ZNF675: variants seen among roughly 807,000 people sequenced by gnomAD.
ZNF675 encodes the protein zinc finger protein 675.
Under a neutral mutation model 56.1 loss-of-function variants are expected in ZNF675, and 36 were observed. The ratio of observed to expected loss-of-function variants is 0.64; its 90% CI spans 0.49 to 0.85. ZNF675 has a LOEUF of 0.85. Among genes scored for constraint, ZNF675 ranks in the 40% least tolerant of loss-of-function variants. The pLI is 0.00. For synonymous variants in ZNF675, 200 were observed against 218.9 expected (o/e 0.91, Z 0.76); for missense variants, 663 against 654.2 (o/e 1.01, Z -0.15).
intron 3 of ZNF675, among the ~76,000 whole-genome samples, chr19:23,658,874 GAT>G (rs10534460): frequency 0.91 from 106,020 of 116,896 alleles, 48,047 homozygotes; most frequent in Middle Eastern, 0.96. Context: ...TAGATCTATA[GAT>G]ATCTATAGAT....
At chr19:23,657,714 T>C (rs1018912020) in intron 3 of ZNF675, among the ~76,000 whole-genome samples, 4 of 151,998 alleles carry the variant, frequency 2.6e-5, no homozygotes, top group Admixed American at 2.6e-4. Context: ...TAAAACTCCA[T>C]CTCAAAAGAA....
chr19:23,656,298 C>T (rs1229283703), intron 3 of ZNF675: 1 of 152,146 alleles, frequency 6.6e-6, no homozygotes, highest in Non-Finnish European at 1.5e-5. Context: ...ACAAATTCAA[C>T]ATAATCTCTA....
intron 3 of ZNF675, among the ~76,000 whole-genome samples, chr19:23,658,978 TAGAG>T (rs1208761470): frequency 2.2e-4 from 30 of 137,528 alleles, no homozygotes; most frequent in East Asian, 4.5e-4. Flanking sequence ...GATATAGATC[TAGAG>T]ATAGAGATCG....
intron 1 of ZNF675, 142 bp downstream of exon 1, chr19:23,686,889 A>C: frequency 9.9e-7 from 1 of 1,010,214 alleles, no homozygotes; most frequent in Non-Finnish European, 1.5e-6. Context: ...GCTGCAGGGG[A>C]CTGAGCCGAG....
At chr19:23,665,866 T>C (rs1312243552) in intron 1 of ZNF675, among the ~76,000 whole-genome samples, 1 of 152,178 alleles carries the variant, frequency 6.6e-6, no homozygotes, top group Non-Finnish European at 1.5e-5. Flanking sequence ...TGATTAGCAT[T>C]AGAGAAAGCA....
intron 1 of ZNF675, among the ~76,000 whole-genome samples, chr19:23,667,155 G>GT (rs1324559254): frequency 6.6e-6 from 1 of 151,978 alleles, no homozygotes; most frequent in Non-Finnish European, 1.5e-5. Context: ...GACCTTCGCG[G>GT]TGAGTGTTAC....
intron 3 of ZNF675, among the ~76,000 whole-genome samples, chr19:23,658,869 C>A (rs1253819342): frequency 0.1 from 992 of 9,668 alleles, 32 homozygotes; most frequent in Non-Finnish European, 0.17. Flanking sequence ...AGAAATAGAT[C>A]TATAGATATC....
rs1261880835 is a variant in ZNF675, at chr19:23,658,979, A to C, written c.226+3135T>G. 6.1e-5 allele frequency among the ~76,000 whole-genome samples: 9 copies of C among 147,346 alleles called. 1 individual carries two copies. The highest frequency in any genetic ancestry group is 2.0e-4 in the East Asian group (1 of 4,998). ...GAGATCTATAGATAGATATAGATCT[A>C]GAGATAGAGATCGAGATCTATATAT... On this transcript the variant is annotated intron_variant, in intron 3 of 3. Coordinates refer to ENST00000359788, the MANE Select transcript of ZNF675 (RefSeq NM_138330.3).
intron 1 of ZNF675, among the ~76,000 whole-genome samples, chr19:23,666,080 G>A (rs1968147369): frequency 6.6e-6 from 1 of 152,220 alleles, no homozygotes; most frequent in Admixed American, 6.5e-5. Context: ...TCTGGAGGCA[G>A]GGAACCTAAG....
rs1967935762 is a variant in ZNF675, at chr19:23,653,362, G to GT, written c.1570dup (p.Thr524AsnfsTer2). ...TCCAGTATGAATTATCTTATGTTCA[G>GT]TAAGTTTTGAGGATCGGCTAAAAGC... On this transcript the variant is annotated frameshift_variant, in exon 4 of 4. Coordinates refer to ENST00000359788, the MANE Select transcript of ZNF675 (RefSeq NM_138330.3). LOFTEE classifies it high-confidence loss of function. 2 of 1,613,618 alleles carry GT rather than the reference G, an allele frequency of 1.2e-6. No individual in the cohort carries two copies. The highest frequency in any genetic ancestry group is 1.7e-6 in the Non-Finnish European group (2 of 1,179,982).
chr19:23,685,575 T>C (rs1477072241), intron 1 of ZNF675, among the ~76,000 whole-genome samples: 1 of 152,194 alleles, frequency 6.6e-6, no homozygotes, highest in Non-Finnish European at 1.5e-5. Context: ...AGAAGATTTT[T>C]AAAAATGAGG....
chr19:23,662,985 A>G (rs761488589), intron 2 of ZNF675, 47 bp downstream of exon 2: 1 of 1,376,804 alleles, frequency 7.3e-7, no homozygotes, highest in South Asian at 1.3e-5. Context: ...TCCGTCTCAA[A>G]AGAAAAACAA....
At chr19:23,683,894 C>T (rs1024680420) in intron 1 of ZNF675, among the ~76,000 whole-genome samples, 1 of 152,044 alleles carries the variant, frequency 6.6e-6, no homozygotes, top group Non-Finnish European at 1.5e-5. Context: ...TGAAACCCAA[C>T]TCTTACATGC....
intron 3 of ZNF675, among the ~76,000 whole-genome samples, chr19:23,658,950 T>TATAG (rs1432259784): frequency 1.3e-4 from 2 of 15,360 alleles, no homozygotes; most frequent in Admixed American, 1.3e-3. Flanking sequence ...GATATAGATC[T>TATAG]CTAGAGATCT....
chr19:23,654,256 T>C lies in ZNF675; in HGVS notation c.677A>G (p.Lys226Arg), dbSNP rs768479837. 102 of 1,613,340 alleles carry C rather than the reference T, an allele frequency of 6.3e-5. No individual in the cohort carries two copies. Among genetic ancestry groups the C allele is most frequent in the Admixed American group, 2.8e-4 (17 of 59,814 alleles). ...TKHKRIYTCE[K>R]LYKCQECDRT... ...GTCACATTCTTGACATTTGTAGAGT[T>C]TCTCACAAGTATAAATTCTTTTATG... Residue 226 changes from lysine to arginine, a missense_variant, in exon 4 of 4, where the codon AAA becomes AGA. Coordinates refer to ENST00000359788, the MANE Select transcript of ZNF675 (RefSeq NM_138330.3).
At chr19:23,672,706 A>T (rs1352315767) in intron 1 of ZNF675, among the ~76,000 whole-genome samples, 2 of 152,228 alleles carry the variant, frequency 1.3e-5, no homozygotes, top group African/African-American at 2.4e-5. Context: ...ATTCTAAATG[A>T]TATTTCTACC....
intron 1 of ZNF675, among the ~76,000 whole-genome samples, chr19:23,677,841 C>T (rs948252179): frequency 1.3e-5 from 2 of 149,132 alleles, no homozygotes; most frequent in Non-Finnish European, 3.0e-5. Flanking sequence ...CAGAGATGGC[C>T]GGCTACAGTG....
At chr19:23,678,271 T>TC (rs1418367415) in intron 1 of ZNF675, among the ~76,000 whole-genome samples, 1 of 150,922 alleles carries the variant, frequency 6.6e-6, no homozygotes, top group Non-Finnish European at 1.5e-5. Flanking sequence ...CTTTTTTTTT[T>TC]TTTTTGACGG....
intron 1 of ZNF675, among the ~76,000 whole-genome samples, chr19:23,671,381 A>G (rs1018588138): frequency 5.9e-5 from 9 of 152,314 alleles, no homozygotes; most frequent in Non-Finnish European, 1.2e-4. Flanking sequence ...ATCATTGGTG[A>G]TGTCCTGAAT....
Sources: allele counts gnomAD v4.1 joint callset (sites outside exome capture counted in the v4.1 genomes callset), GRCh38; gene constraint gnomAD v4.1.1; transcripts MANE v1.5; gene names NCBI Gene and HGNC (gene_info 2026-07-23, HGNC 2026-07-21).